The following KIF9 variants were observed in gnomAD, a reference collection of about 807,000 sequenced individuals.
The protein encoded by KIF9 is kinesin-like protein KIF9.
In KIF9, 68 loss-of-function variants were observed where a neutral mutation model predicts 94.8. The observed-to-expected ratio is 0.72, with a 90% confidence interval of 0.59 to 0.88. The LOEUF (loss-of-function observed/expected upper bound fraction) is 0.88, where lower values mean the gene tolerates loss of function less well. Ranked by LOEUF, KIF9 falls within the 40% of genes least tolerant of loss-of-function variation. KIF9 has a pLI of 0.00. For missense variants in KIF9, 882 were observed against 982.5 expected (o/e 0.90, Z 1.37); for synonymous variants, 343 against 362.1 (o/e 0.95, Z 0.60).
intron 10 of KIF9, among the ~76,000 whole-genome samples, chr3:47,251,802 C>T (rs1349193437): frequency 6.6e-6 from 1 of 152,174 alleles, no homozygotes; most frequent in Non-Finnish European, 1.5e-5. Flanking sequence ...GTGGAGTATA[C>T]TAAGTCTCTC....
chr3:47,233,498 C>A (rs1186085080), intron 20 of KIF9, among the ~76,000 whole-genome samples: 4 of 150,084 alleles, frequency 2.7e-5, no homozygotes, highest in Non-Finnish European at 5.9e-5. Context: ...GTGTTTGAGA[C>A]CAGCCTGGGC....
intron 3 of KIF9, among the ~76,000 whole-genome samples, chr3:47,274,515 A>T (rs1701840354): frequency 6.6e-6 from 1 of 152,184 alleles, no homozygotes; most frequent in Admixed American, 6.5e-5. Flanking sequence ...AGTTCTTGGG[A>T]CTGGTGGCAG....
intron 2 of KIF9, among the ~76,000 whole-genome samples, chr3:47,276,323 T>C (rs1701961690): frequency 6.6e-6 from 1 of 151,654 alleles, no homozygotes; most frequent in Admixed American, 6.6e-5. Flanking sequence ...TGGGAGGCCG[T>C]GGCAGGTAGA....
rs1426139418 is a variant in KIF9, at chr3:47,257,547, C to A, written c.995G>T (p.Arg332Ile). 4 of 1,613,724 alleles carry A rather than the reference C, an allele frequency of 2.5e-6. No homozygotes were observed. Among genetic ancestry groups the A allele is most frequent in the Middle Eastern group, 3.3e-4 (2 of 6,046 alleles). ...AQLEETLSSL[R>I]FASRMKLVTT... Reference sequence around the variant, plus strand: ...GACTAGCTTCATCCTGCTGGCAAATCTCAGTGAAGATAGCTGCAAAACAGA... The same window carrying A: ...GACTAGCTTCATCCTGCTGGCAAATATCAGTGAAGATAGCTGCAAAACAGA... Residue 332 changes from arginine to isoleucine, a missense_variant, in exon 10 of 21, where the codon AGA (arginine) becomes ATA (isoleucine). By Grantham distance (97) the Arg-to-Ile change is moderately conservative. Transcript: ENST00000684063.
At chr3:47,278,847 C>T (rs980017140) in intron 1 of KIF9, among the ~76,000 whole-genome samples, 2 of 152,056 alleles carry the variant, frequency 1.3e-5, no homozygotes, top group African/African-American at 2.4e-5. Context: ...TGGCAGACGC[C>T]TGTAATCCCA....
intron 17 of KIF9, among the ~76,000 whole-genome samples, chr3:47,237,557 G>A (rs1056309829): frequency 2.6e-5 from 4 of 152,208 alleles, no homozygotes; most frequent in African/African-American, 7.2e-5. Flanking sequence ...ATAATTTGGT[G>A]TGCAAAGCCA....
rs189492447 is a variant in KIF9, at chr3:47,260,679, C to T, written c.982-3119G>A. On this transcript the variant is annotated intron_variant, in intron 9 of 20. Coordinates refer to ENST00000684063, the MANE Select transcript of KIF9 (RefSeq NM_182902.4). Reference sequence around the variant, plus strand: ...ACACTGAAAAACAGGGAGGTCAAGGCACCCACCCATGGCCACAGAGCTGGT... The same window carrying T: ...ACACTGAAAAACAGGGAGGTCAAGGTACCCACCCATGGCCACAGAGCTGGT... Among the ~76,000 whole-genome samples the T allele has an allele frequency of 2.0e-3, 300 of 152,336 alleles. 3 individuals carry two copies. Among genetic ancestry groups the T allele is most frequent in the African/African-American group, 6.6e-3 (273 of 41,580 alleles).
chr3:47,273,731 C>G, intron 3 of KIF9, 73 bp from the exon 4 acceptor site: 1 of 1,345,416 alleles, frequency 7.4e-7, no homozygotes, highest in Non-Finnish European at 1.0e-6. Context: ...TCCCAGCATG[C>G]CTGGTGCCAG....
At chr3:47,230,824 G>A (rs1698514475) in intron 20 of KIF9, among the ~76,000 whole-genome samples, 1 of 152,106 alleles carries the variant, frequency 6.6e-6, no homozygotes, top group South Asian at 2.1e-4. Flanking sequence ...TGGATCACGA[G>A]GTCAGGAGTT....
intron 4 of KIF9, among the ~76,000 whole-genome samples, chr3:47,273,006 A>G (rs56273245): frequency 0.16 from 24,437 of 152,132 alleles, 2,554 homozygotes; most frequent in Non-Finnish European, 0.24. Context: ...GTCCTTACAG[A>G]ACCCAGGCTA....
intron 4 of KIF9, 134 bp from the exon 5 acceptor site, chr3:47,271,595 T>C (rs1701652527): frequency 3.0e-6 from 2 of 672,562 alleles, no homozygotes; most frequent in East Asian, 2.7e-5. Flanking sequence ...TTGGGTGATA[T>C]TTAGTATCAT....
rs200947785 is a variant in KIF9 at position 47,245,416 on chromosome 3, C to T, written c.1380+5G>A. ...GTGCTGTCGGCAAGTAGCAACTATG[C>T]TTACCTTCTGGATAGCAGAAATGGC... On this transcript the variant is annotated splice_donor_5th_base_variant and intron_variant, in intron 14 of 20. Transcript: ENST00000684063. 2.6e-5 allele frequency: 42 copies of T among 1,612,138 alleles called. No individual in the cohort carries two copies. The highest frequency in any genetic ancestry group is 1.7e-5 in the Admixed American group (1 of 60,008).
chr3:47,268,584 CTTTTTTTTT>C (rs560574291), intron 5 of KIF9, among the ~76,000 whole-genome samples: 6 of 137,298 alleles, frequency 4.4e-5, no homozygotes, highest in African/African-American at 1.6e-4. Flanking sequence ...TTTTCTTCTT[CTTTTTTTTT>C]TTTTTTTTGA....
chr3:47,243,133 C>T lies in KIF9; in HGVS notation c.1627G>A (p.Asp543Asn). The change falls in exon 16 of 21, where the codon GAC becomes AAC. Residue 543 changes from aspartate (D) to asparagine (N), a missense_variant. Coordinates refer to ENST00000684063, the MANE Select transcript of KIF9 (RefSeq NM_182902.4). ...GTTTCCCGGTCCCGCGAAAGCATGTCTTTGACATCCCCATCTTTGGAGGAT... is the reference window on the plus strand; with the variant it reads ...GTTTCCCGGTCCCGCGAAAGCATGTTTTTGACATCCCCATCTTTGGAGGAT... ...VPSSKDGDVKDMLSRDRETSS... is the reference protein window; with the variant it reads ...VPSSKDGDVKNMLSRDRETSS... The T allele has an allele frequency of 6.2e-7, 1 of 1,613,958 alleles. No individual in the cohort carries two copies. Among genetic ancestry groups the T allele is most frequent in the Non-Finnish European group, 8.5e-7 (1 of 1,179,894 alleles).
chr3:47,264,668 C>T (rs1701185314), intron 8 of KIF9, among the ~76,000 whole-genome samples: 1 of 152,114 alleles, frequency 6.6e-6, no homozygotes, highest in African/African-American at 2.4e-5. Context: ...GAACTCCTGG[C>T]CTCAAGCGAT....
chr3:47,267,154 G>A, intron 6 of KIF9, 26 bp downstream of exon 6: 1 of 1,604,782 alleles, frequency 6.2e-7, no homozygotes, highest in Non-Finnish European at 8.5e-7. Context: ...TGCCCCGCCT[G>A]GGCTGATCAA....
At chr3:47,278,948 G>T (rs1403226736) in intron 1 of KIF9, among the ~76,000 whole-genome samples, 1 of 151,714 alleles carries the variant, frequency 6.6e-6, no homozygotes, top group Non-Finnish European at 1.5e-5. Flanking sequence ...CTTCAGCCTG[G>T]GCGACAGAGA....
intron 5 of KIF9, among the ~76,000 whole-genome samples, chr3:47,267,851 TTTTA>T: frequency 6.6e-6 from 1 of 151,056 alleles, no homozygotes; most frequent in Non-Finnish European, 1.5e-5. Context: ...TAATTTATAT[TTTTA>T]TTTATTTTGT....
intron 20 of KIF9, chr3:47,231,732 A>G (rs1698604800): frequency 6.6e-6 from 1 of 152,046 alleles, no homozygotes; most frequent in Non-Finnish European, 1.5e-5. Flanking sequence ...TCTGCATTCT[A>G]AAAAGACCCC....
Sources: allele counts gnomAD v4.1 joint callset (sites outside exome capture counted in the v4.1 genomes callset), GRCh38; gene constraint gnomAD v4.1.1; transcripts MANE v1.5; gene names NCBI Gene and HGNC (gene_info 2026-07-23, HGNC 2026-07-21).